ROBO2: variants seen among roughly 807,000 people sequenced by gnomAD.
ROBO2 encodes roundabout guidance receptor 2, also known as roundabout homolog 2.
Under a neutral mutation model 160.8 loss-of-function variants are expected in ROBO2, and 53 were observed. The observed-to-expected ratio is 0.33, with a 90% confidence interval of 0.26 to 0.41. ROBO2 has a LOEUF of 0.41. Ranked by LOEUF, ROBO2 falls within the 10% of genes least tolerant of loss-of-function variation. The pLI, the probability that ROBO2 is intolerant of heterozygous loss-of-function variation, is 1.00. For missense variants in ROBO2, 1,577 were observed against 1,722.4 expected (o/e 0.92, Z 1.49); for synonymous variants, 664 against 611.7 (o/e 1.09, Z -1.26).
chr3:77,121,972 T>C (rs1414304707), intron 2 of ROBO2, among the ~76,000 whole-genome samples: 1 of 152,148 alleles, frequency 6.6e-6, no homozygotes, highest in Non-Finnish European at 1.5e-5. Context: ...TTTAAAAAAA[T>C]TGCCCAAAGC....
At chr3:77,293,924 TAAA>T (rs1341636721) in intron 2 of ROBO2, among the ~76,000 whole-genome samples, 2 of 139,550 alleles carry the variant, frequency 1.4e-5, no homozygotes, top group African/African-American at 5.8e-5. Flanking sequence ...ACCCCAGACA[TAAA>T]GTAAAATTGA....
chr3:77,001,540 G>T (rs2061336601), intron 2 of ROBO2, among the ~76,000 whole-genome samples: 1 of 152,006 alleles, frequency 6.6e-6, no homozygotes, highest in African/African-American at 2.4e-5. Flanking sequence ...ATGAACAGGG[G>T]GGTTTGAGAG....
Position 77,040,518 on chromosome 3 carries a change from C to A in ROBO2, c.-268C>A. The A allele has an allele frequency of 7.4e-7, 1 of 1,352,736 alleles. No homozygotes were observed. Among genetic ancestry groups the A allele is most frequent in the East Asian group, 3.1e-5 (1 of 32,768 alleles). 83.8% of individuals were successfully genotyped at this position (1,352,736 alleles called of 1,614,324 possible). A position where few individuals can be genotyped will look rare whatever the true frequency, so the allele number is the denominator to read the frequency against. The stretch of plus-strand genomic sequence containing the variant: ...CACTCGAATAATCCCTCTGGCTGGG[C>A]TGAATTTGTGGGAATTTAGGAAGCC... On this transcript the variant is annotated 5_prime_UTR_variant, in exon 1 of 26. In the 5' UTR this introduces an upstream ATG that the reference lacks. Transcript: ENST00000461745.
chr3:77,310,015 T>G (rs1240490097), intron 2 of ROBO2, among the ~76,000 whole-genome samples: 1 of 152,154 alleles, frequency 6.6e-6, no homozygotes, highest in Non-Finnish European at 1.5e-5. Flanking sequence ...TTAAAAAAGT[T>G]TAAAAGCTTC....
At chr3:77,063,862 T>C (rs1387686915) in intron 1 of ROBO2, among the ~76,000 whole-genome samples, 5 of 152,204 alleles carry the variant, frequency 3.3e-5, no homozygotes, top group Non-Finnish European at 5.9e-5. Context: ...ACTCTACTTA[T>C]CATCTCCTGA....
At chr3:76,384,666 G>T (rs2076795484) in intron 2 of ROBO2, among the ~76,000 whole-genome samples, 1 of 152,144 alleles carries the variant, frequency 6.6e-6, no homozygotes, top group African/African-American at 2.4e-5. Context: ...TGGCAGAAGG[G>T]AGAGCAAACC....
At chr3:76,636,448 G>A (rs1425567360) in intron 2 of ROBO2, among the ~76,000 whole-genome samples, 1 of 152,182 alleles carries the variant, frequency 6.6e-6, no homozygotes, top group Admixed American at 6.5e-5. Flanking sequence ...ATTTATTCAA[G>A]AGAAGCTCAC....
chr3:76,150,872 G>A (rs965668674), intron 2 of ROBO2, among the ~76,000 whole-genome samples: 1 of 152,138 alleles, frequency 6.6e-6, no homozygotes, highest in African/African-American at 2.4e-5. Flanking sequence ...CTACATGCTT[G>A]TGATAGATGA....
At chr3:76,854,216 A>G (rs2069787464) in intron 2 of ROBO2, among the ~76,000 whole-genome samples, 1 of 152,096 alleles carries the variant, frequency 6.6e-6, no homozygotes, top group South Asian at 2.1e-4. Context: ...AACATCTACA[A>G]GTAATCCATT....
chr3:77,217,421 G>A (rs1302015044), intron 2 of ROBO2, among the ~76,000 whole-genome samples: 1 of 152,152 alleles, frequency 6.6e-6, no homozygotes, highest in Non-Finnish European at 1.5e-5. Flanking sequence ...GGGATTACAG[G>A]CATGGGCCAC....
At chr3:76,066,468 A>G (rs56382476) in intron 2 of ROBO2, among the ~76,000 whole-genome samples, 3,122 of 152,160 alleles carry the variant, frequency 0.021, 42 homozygotes, top group East Asian at 0.081. Flanking sequence ...ATAATGAACC[A>G]TTTTCTTAAG....
intron 2 of ROBO2, among the ~76,000 whole-genome samples, chr3:76,116,990 G>A (rs2070499656): frequency 6.6e-6 from 1 of 152,152 alleles, no homozygotes; most frequent in African/African-American, 2.4e-5. Flanking sequence ...AATAGATTAT[G>A]GAATATTATG....
At position 77,527,384 on chromosome 3, in the gene ROBO2, A is replaced by G; in HGVS notation, c.934+4482A>G. 4 of 1,287,470 alleles carry G rather than the reference A, an allele frequency of 3.1e-6. No homozygotes were observed. The highest frequency in any genetic ancestry group is 4.1e-6 in the Non-Finnish European group (4 of 987,558). The allele number at this position is 1,287,470 out of a possible 1,614,324, so 79.8% of individuals were successfully genotyped here. ...AATTTCTTTTTTATGTTCTCACCAC[A>G]CCATTGTAATGTCTACAGCTCGCCC... On this transcript the variant is annotated intron_variant, in intron 6 of 25. Coordinates refer to ENST00000461745, the Ensembl canonical transcript of ROBO2.
At chr3:76,985,984 C>G (rs867975777) in intron 2 of ROBO2, among the ~76,000 whole-genome samples, 1 of 152,100 alleles carries the variant, frequency 6.6e-6, no homozygotes, top group Admixed American at 6.5e-5. Flanking sequence ...TTTAAGCAAC[C>G]TTTTTATTTT....
intron 2 of ROBO2, among the ~76,000 whole-genome samples, chr3:77,382,361 T>A (rs201112455): frequency 8.7e-4 from 27 of 31,038 alleles, no homozygotes; most frequent in African/African-American, 1.4e-3. Context: ...TTTTTTTTTT[T>A]TAAAAAGTCT....
chr3:77,391,705 G>A (rs191014385), intron 2 of ROBO2, among the ~76,000 whole-genome samples: 1 of 152,072 alleles, frequency 6.6e-6, no homozygotes, highest in East Asian at 1.9e-4. Context: ...CATACCTCAT[G>A]AAAAACACCA....
At chr3:77,357,715 C>T (rs12386393) in intron 2 of ROBO2, among the ~76,000 whole-genome samples, 1 of 151,890 alleles carries the variant, frequency 6.6e-6, no homozygotes, top group Non-Finnish European at 1.5e-5. Flanking sequence ...CTTCCATGTT[C>T]TGTAATAAAT....
chr3:76,715,477 A>G (rs570722565), intron 2 of ROBO2, among the ~76,000 whole-genome samples: 2 of 152,320 alleles, frequency 1.3e-5, no homozygotes, highest in Non-Finnish European at 2.9e-5. Context: ...CAGAGACAGT[A>G]CAGGACTTAA....
At chr3:75,946,553 G>T (rs1031334999) in intron 2 of ROBO2, among the ~76,000 whole-genome samples, 1 of 152,092 alleles carries the variant, frequency 6.6e-6, no homozygotes, top group African/African-American at 2.4e-5. Context: ...AAGTAGGAAG[G>T]CACTGATCTG....
Sources: gnomAD v4.1 joint callset for allele counts (sites outside exome capture counted in the v4.1 genomes callset) on GRCh38, gnomAD v4.1.1 for gene constraint, MANE v1.5 for transcripts, NCBI Gene and HGNC (gene_info 2026-07-23, HGNC 2026-07-21) for gene names.